MRPS9: variants seen among roughly 807,000 people sequenced by gnomAD.
MRPS9 encodes the protein small ribosomal subunit protein uS9m.
MRPS9 carries 45 observed loss-of-function variants against 59.9 expected under a neutral mutation model. The observed-to-expected ratio is 0.75, with a 90% confidence interval of 0.59 to 0.96. The LOEUF is 0.96. Ranked by LOEUF, MRPS9 falls within the 40% of genes least tolerant of loss-of-function variation. The probability of loss-of-function intolerance (pLI) is 0.00; values close to 1 mark genes in which losing one functional copy is unlikely to be tolerated. For synonymous variants in MRPS9, 171 were observed against 166.8 expected (o/e 1.03, Z -0.19); for missense variants, 473 against 481.1 (o/e 0.98, Z 0.16).
chr2:105,098,750 TAATAA>T (rs1680726013), intron 10 of MRPS9: 1 of 152,206 alleles, frequency 6.6e-6, no homozygotes, highest in African/African-American at 2.4e-5. Context: ...AAATGGTCCT[TAATAA>T]AATACCCAAG....
intron 4 of MRPS9, among the ~76,000 whole-genome samples, chr2:105,073,594 T>C (rs1680154801): frequency 6.6e-6 from 1 of 152,196 alleles, no homozygotes; most frequent in Non-Finnish European, 1.5e-5. Context: ...TATTAAAAGA[T>C]GGAAGCTTCT....
chr2:105,077,329 G>A (rs1275181369), intron 4 of MRPS9, among the ~76,000 whole-genome samples: 1 of 151,876 alleles, frequency 6.6e-6, no homozygotes, highest in Non-Finnish European at 1.5e-5. Flanking sequence ...GTTGGAAATT[G>A]TAAATATTGT....
At chr2:105,093,165 A>G (rs1680593825) in intron 8 of MRPS9, among the ~76,000 whole-genome samples, 1 of 152,184 alleles carries the variant, frequency 6.6e-6, no homozygotes, top group Non-Finnish European at 1.5e-5. Context: ...ATATATTTCT[A>G]AAACTTATGT....
chr2:105,044,517 A>G (rs1679560520), intron 1 of MRPS9, among the ~76,000 whole-genome samples: 1 of 152,212 alleles, frequency 6.6e-6, no homozygotes, highest in Admixed American at 6.5e-5. Context: ...ATGTGTAGAA[A>G]TGTCTTTGAA....
At chr2:105,056,263 G>A (rs1279650605) in intron 2 of MRPS9, among the ~76,000 whole-genome samples, 1 of 149,476 alleles carries the variant, frequency 6.7e-6, no homozygotes, top group Non-Finnish European at 1.5e-5. Flanking sequence ...AATTTTTTAG[G>A]TAACATTTTC....
chr2:105,089,927 A>G lies in MRPS9; in HGVS notation c.583A>G (p.Ile195Val). Reference protein sequence around the residue: ...LPEKTVTRDVIGSRWLIKEEL... With the variant: ...LPEKTVTRDVVGSRWLIKEEL... ...TATGTGATATTTTAACAGAGACGTG[A>G]TTGGCAGCAGATGGCTGATTAAGGA... is the stretch of plus-strand genomic sequence containing the variant. The change falls in exon 7 of 11, where the codon ATT (isoleucine) becomes GTT (valine). Residue 195 changes from isoleucine to valine, a missense_variant. By Grantham distance (29) the Ile-to-Val change is conservative. Coordinates refer to ENST00000258455, the MANE Select transcript of MRPS9 (RefSeq NM_182640.3). 1 of 1,608,168 alleles carries G rather than the reference A, an allele frequency of 6.2e-7. No individual in the cohort carries two copies. The highest frequency in any genetic ancestry group is 8.5e-7 in the Non-Finnish European group (1 of 1,175,596).
chr2:105,055,621 G>A (rs924097662), intron 2 of MRPS9, among the ~76,000 whole-genome samples: 27 of 151,430 alleles, frequency 1.8e-4, no homozygotes, highest in African/African-American at 2.4e-4. Flanking sequence ...TAAATATAGC[G>A]GACCCCCTCC....
intron 9 of MRPS9, among the ~76,000 whole-genome samples, chr2:105,096,148 T>C (rs1680655167): frequency 6.6e-6 from 1 of 152,118 alleles, no homozygotes; most frequent in Admixed American, 6.6e-5. Flanking sequence ...TCCGATTTGC[T>C]ATGGCTTTTG....
At chr2:105,092,362 T>G (rs777402417) in intron 7 of MRPS9, 39 bp from the exon 8 acceptor site, 2 of 1,508,260 alleles carry the variant, frequency 1.3e-6, no homozygotes, top group Non-Finnish European at 8.9e-7. Flanking sequence ...GCAAATGCAA[T>G]TACACTTGCA....
In MRPS9 at chr2:105,072,123, CTTAAAA is replaced by C. The variant is rs1448551130; in HGVS notation, c.409+635_409+640del. On this transcript the variant is annotated intron_variant, in intron 4 of 10. Coordinates refer to ENST00000258455, the MANE Select transcript of MRPS9 (RefSeq NM_182640.3). ...GTGAGGACCAGTAGTTCTCTGTTAACTTAAAAAGTATTAAAGCTAGAAATCATTTCT... is the reference window on the plus strand; with the variant it reads ...GTGAGGACCAGTAGTTCTCTGTTAACAGTATTAAAGCTAGAAATCATTTCT... Among the ~76,000 whole-genome samples the C allele has an allele frequency of 5.9e-5, 9 of 152,274 alleles. No individual in the cohort carries two copies. The East Asian group carries it at 1.7e-3, about 29-fold the overall frequency.
chr2:105,078,676 C>CAGA (rs1273507427), intron 4 of MRPS9, among the ~76,000 whole-genome samples: 2 of 152,048 alleles, frequency 1.3e-5, no homozygotes, highest in Non-Finnish European at 2.9e-5. Context: ...GTCTTTGTTT[C>CAGA]AGAAGAAAGA....
intron 1 of MRPS9, 50 bp from the exon 2 acceptor site, chr2:105,049,121 G>T: frequency 8.1e-7 from 1 of 1,241,248 alleles, no homozygotes; most frequent in South Asian, 1.4e-5. Context: ...TGGCCTAGAA[G>T]ATCACAGTTT....
intron 7 of MRPS9, among the ~76,000 whole-genome samples, chr2:105,091,107 G>T (rs1453529287): frequency 6.6e-6 from 1 of 151,780 alleles, no homozygotes; most frequent in Non-Finnish European, 1.5e-5. Flanking sequence ...TATTTTTTCT[G>T]CTTTGTAATA....
At chr2:105,049,382 T>G (rs1679668108) in intron 2 of MRPS9, 32 bp downstream of exon 2, 1 of 1,574,160 alleles carries the variant, frequency 6.4e-7, no homozygotes, top group Non-Finnish European at 8.6e-7. Context: ...AAAAAGTAAT[T>G]GCTGTAGAGT....
chr2:105,059,639 G>T (rs1234269937), intron 2 of MRPS9, among the ~76,000 whole-genome samples: 2 of 151,400 alleles, frequency 1.3e-5, no homozygotes, highest in African/African-American at 4.9e-5. Context: ...CATGAAGGTT[G>T]GTTTAGGAGT....
Position 105,085,400 on chromosome 2 carries a change from T to C in MRPS9, c.490-3584T>C, listed in dbSNP as rs989748705. ...ACTATTACCATACTAGTATCTAAGATAATTACTATTAGTTACTATTTATGT... is the reference window on the plus strand; with the variant it reads ...ACTATTACCATACTAGTATCTAAGACAATTACTATTAGTTACTATTTATGT... On this transcript the variant is annotated intron_variant, in intron 5 of 10. Coordinates refer to ENST00000258455, the MANE Select transcript of MRPS9 (RefSeq NM_182640.3). 2.0e-5 allele frequency among the ~76,000 whole-genome samples: 3 copies of C among 152,208 alleles called. No individual in the cohort carries two copies. In the South Asian group the frequency reaches 6.2e-4, roughly 31 times the overall value.
intron 2 of MRPS9, among the ~76,000 whole-genome samples, chr2:105,053,361 C>A (rs1046969612): frequency 2.0e-5 from 3 of 152,048 alleles, no homozygotes; most frequent in African/African-American, 7.2e-5. Context: ...TTCACATAGA[C>A]AAATTAGGCA....
intron 1 of MRPS9, among the ~76,000 whole-genome samples, chr2:105,040,254 T>A: frequency 6.6e-6 from 1 of 152,208 alleles, no homozygotes; most frequent in Non-Finnish European, 1.5e-5. Flanking sequence ...TTTCTCTTGG[T>A]AGCCCATGTT....
intron 8 of MRPS9, among the ~76,000 whole-genome samples, chr2:105,093,079 T>C (rs1680592274): frequency 6.6e-6 from 1 of 152,200 alleles, no homozygotes; most frequent in Non-Finnish European, 1.5e-5. Flanking sequence ...TTTTAACTAC[T>C]GTGGTGTTTT....
Sources: allele counts gnomAD v4.1 joint callset (sites outside exome capture counted in the v4.1 genomes callset), GRCh38; gene constraint gnomAD v4.1.1; transcripts MANE v1.5; gene names NCBI Gene and HGNC (gene_info 2026-07-23, HGNC 2026-07-21).